Variants in DYNC2H1 observed in about 807,000 individuals in gnomAD.
DYNC2H1 encodes the protein dynein cytoplasmic 2 heavy chain 1.
Under a neutral mutation model 570.0 loss-of-function variants are expected in DYNC2H1, and 410 were observed. The observed-to-expected ratio is 0.72, with a 90% CI of 0.66 to 0.78. DYNC2H1 has a LOEUF of 0.78. Ranked by LOEUF, DYNC2H1 falls within the 30% of genes least tolerant of loss-of-function variation. The pLI is 0.00. For missense variants in DYNC2H1, 4,865 were observed against 5,046.4 expected (o/e 0.96, Z 1.09); for synonymous variants, 1,688 against 1,677.6 (o/e 1.01, Z -0.15).
At position 103,122,712 on chromosome 11, in the gene DYNC2H1, A is replaced by G. The variant is rs112244326; in HGVS notation, c.1486-113A>G. On this transcript the variant is annotated intron_variant, in intron 10 of 88. Transcript: ENST00000375735. ...GTGAATCTTCCGTTTCACTGTTTAT[A>G]GATGAAAGGTAAAATAATTTCTGAA... is the stretch of plus-strand genomic sequence containing the variant. 1.8e-3 allele frequency: 1,604 copies of G among 902,640 alleles called. 16 individuals carry two copies. In the African/African-American group the frequency reaches 0.024, roughly 14 times the overall value. The allele number at this position is 902,640 out of a possible 1,614,324, so 55.9% of individuals were successfully genotyped here.
intron 75 of DYNC2H1, among the ~76,000 whole-genome samples, chr11:103,296,398 C>T (rs1866826755): frequency 6.6e-6 from 1 of 152,172 alleles, no homozygotes; most frequent in East Asian, 1.9e-4. Flanking sequence ...GAACAATTAA[C>T]ATGTTCCCAA....
chr11:103,109,451 A>G lies in DYNC2H1; in HGVS notation c.-124A>G. 2.1e-6 allele frequency: 2 copies of G among 951,966 alleles called. No individual in the cohort carries two copies. Among genetic ancestry groups the G allele is most frequent in the South Asian group, 3.9e-5 (2 of 51,660 alleles). The allele number at this position is 951,966 out of a possible 1,614,324, so 59.0% of individuals were successfully genotyped here. On this transcript the variant is annotated 5_prime_UTR_variant, in exon 1 of 89. Transcript: ENST00000375735. ...ATAGCGACTACCCCTGGCAACCGCGAAGCTCTGCGGTCCCGCGGTCGGGCT... is the reference window on the plus strand; with the variant it reads ...ATAGCGACTACCCCTGGCAACCGCGGAGCTCTGCGGTCCCGCGGTCGGGCT...
chr11:103,317,794 T>C (rs2135430538), intron 80 of DYNC2H1, among the ~76,000 whole-genome samples: 1 of 152,304 alleles, frequency 6.6e-6, no homozygotes, highest in Middle Eastern at 3.4e-3. Flanking sequence ...GATTTCTTAC[T>C]GCTGAATCTG....
rs1332318318 is a variant in DYNC2H1 at position 103,181,796 on chromosome 11, G to T, written c.6387G>T (p.Trp2129Cys). ...ETDLNSLIKS[W>C]LRNQPAEYRN... is the part of the protein sequence containing the mutation. ...ATCTTAATTCTCTGATAAAATCTTG[G>T]TTGAGGAATCAGCCTGCTGAATATA... Residue 2129 changes from tryptophan to cysteine, a missense_variant, in exon 40 of 89, where the codon TGG (tryptophan) becomes TGT (cysteine). Physicochemically the swap from Trp to Cys is radical, Grantham distance 215 (BLOSUM62 -2). Coordinates refer to ENST00000375735, the MANE Select transcript of DYNC2H1 (RefSeq NM_001377.3). The surrounding 1 kb of genome is among the most constrained non-coding windows in gnomAD (Gnocchi z 5.0). 5.1e-6 allele frequency: 8 copies of T among 1,576,168 alleles called. No individual in the cohort carries two copies. Among genetic ancestry groups the T allele is most frequent in the Non-Finnish European group, 6.9e-6 (8 of 1,158,896 alleles).
At chr11:103,255,843 TA>T (rs1865035713) in intron 67 of DYNC2H1, among the ~76,000 whole-genome samples, 1 of 152,062 alleles carries the variant, frequency 6.6e-6, no homozygotes, top group Non-Finnish European at 1.5e-5. Flanking sequence ...AAGTAGTTTT[TA>T]TTTTTTATTA....
rs1022347920 is a variant in DYNC2H1, at chr11:103,157,666, C to T, written c.4127+896C>T. Reference sequence around the variant, plus strand: ...CTGTATCTCTTACTTGGACTACGCACATTAACCTTCTGACTTGCTCTTGTA... The same window carrying T: ...CTGTATCTCTTACTTGGACTACGCATATTAACCTTCTGACTTGCTCTTGTA... On this transcript the variant is annotated intron_variant, in intron 26 of 88. Coordinates refer to ENST00000375735, the MANE Select transcript of DYNC2H1 (RefSeq NM_001377.3). The surrounding 1 kb of genome is among the most constrained non-coding windows in gnomAD (Gnocchi z 4.2). 6.6e-6 allele frequency among the ~76,000 whole-genome samples: 1 copy of T among 152,248 alleles called. No individual in the cohort carries two copies. The highest frequency in any genetic ancestry group is 2.4e-5 in the African/African-American group (1 of 41,474).
intron 77 of DYNC2H1, 124 bp from the exon 78 acceptor site, chr11:103,307,597 G>T: frequency 1.9e-6 from 1 of 538,974 alleles, no homozygotes. Context: ...TATAACCAGA[G>T]CATTAAGAAA....
rs1169955276 is a variant in DYNC2H1 at position 103,168,824 on chromosome 11, A to C, written c.4832A>C (p.Lys1611Thr). The change falls in exon 32 of 89, where the codon AAG becomes ACG. Residue 1611 changes from lysine (K) to threonine (T), a missense_variant. Coordinates refer to ENST00000375735, the MANE Select transcript of DYNC2H1 (RefSeq NM_001377.3). ...LDIIHNIDVVKQLNQIQVHTT... is the reference protein window; with the variant it reads ...LDIIHNIDVVTQLNQIQVHTT... ...ATTATCCATAATATTGATGTGGTAAAGCAGTTAAACCAAATTCAGGTTCAT... is the reference window on the plus strand; with the variant it reads ...ATTATCCATAATATTGATGTGGTAACGCAGTTAAACCAAATTCAGGTTCAT... 6.2e-7 allele frequency: 1 copy of C among 1,613,380 alleles called. No homozygotes were observed. Among genetic ancestry groups the C allele is most frequent in the Non-Finnish European group, 8.5e-7 (1 of 1,179,558 alleles).
intron 75 of DYNC2H1, among the ~76,000 whole-genome samples, chr11:103,288,090 G>A (rs1051889273): frequency 3.4e-4 from 52 of 152,102 alleles, no homozygotes; most frequent in African/African-American, 1.1e-3. Context: ...CACAGAAATG[G>A]TTAGGTTTTA....
intron 87 of DYNC2H1, among the ~76,000 whole-genome samples, chr11:103,463,874 A>C (rs183252284): frequency 1.4e-3 from 215 of 152,336 alleles, no homozygotes; most frequent in African/African-American, 4.9e-3. Context: ...TTAGATGCTG[A>C]ATCTCACTAC....
rs1865069979 is a variant in DYNC2H1 at position 103,256,684 on chromosome 11, ATTAT to A, written c.10461+445_10461+448del. Among the ~76,000 whole-genome samples, 2 of 152,122 alleles carry A rather than the reference ATTAT, an allele frequency of 1.3e-5. No homozygotes were observed. Among genetic ancestry groups the A allele is most frequent in the South Asian group, 4.1e-4 (2 of 4,826 alleles). Reference sequence around the variant, plus strand: ...TATAATGAACAGTGCTGGGTACTTTATTATCCTAATGTGGACACCTGTTAGAGTC... The same window carrying A: ...TATAATGAACAGTGCTGGGTACTTTACCTAATGTGGACACCTGTTAGAGTC... On this transcript the variant is annotated intron_variant, in intron 68 of 88. Transcript: ENST00000375735. This position sits in a 1 kb window ranked among gnomAD's most constrained non-coding sequence, Gnocchi z 4.0.
In DYNC2H1 at chr11:103,109,479, G is replaced by C. The variant is rs548118181; in HGVS notation, c.-96G>C. 18 of 1,239,820 alleles carry C rather than the reference G, an allele frequency of 1.5e-5. No individual in the cohort carries two copies. Among genetic ancestry groups the C allele is most frequent in the Non-Finnish European group, 1.8e-5 (16 of 898,132 alleles). The allele number at this position is 1,239,820 out of a possible 1,614,324, so 76.8% of individuals were successfully genotyped here. On this transcript the variant is annotated 5_prime_UTR_variant, in exon 1 of 89. Coordinates refer to ENST00000375735, the MANE Select transcript of DYNC2H1 (RefSeq NM_001377.3). ...CTCTGCGGTCCCGCGGTCGGGCTAC[G>C]GGTTTGAGCAAAGCTCCTCTCTTCC... is the stretch of plus-strand genomic sequence containing the variant.
At chr11:103,179,631 T>C (rs948371471) in intron 39 of DYNC2H1, among the ~76,000 whole-genome samples, 1 of 151,726 alleles carries the variant, frequency 6.6e-6, no homozygotes, top group African/African-American at 2.4e-5. Context: ...TAATTAAATC[T>C]ATTTAATTTT....
At chr11:103,173,397 C>T (rs1033187115) in intron 35 of DYNC2H1, 92 bp downstream of exon 35, 22 of 876,426 alleles carry the variant, frequency 2.5e-5, no homozygotes, top group South Asian at 9.6e-5. Context: ...TCTCAATTCA[C>T]CTATTGCATG....
chr11:103,314,718 G>T (rs1202432441), intron 79 of DYNC2H1, among the ~76,000 whole-genome samples: 1 of 151,526 alleles, frequency 6.6e-6, no homozygotes, highest in African/African-American at 2.4e-5. Context: ...TAACACTGGA[G>T]GTAAATGTAG....
At chr11:103,377,451 AAG>A (rs1441466758) in intron 83 of DYNC2H1, among the ~76,000 whole-genome samples, 1 of 152,084 alleles carries the variant, frequency 6.6e-6, no homozygotes, top group Non-Finnish European at 1.5e-5. Flanking sequence ...AACATCATAT[AAG>A]AGAGATTAGA....
chr11:103,379,081 T>C (rs148077947), intron 83 of DYNC2H1, among the ~76,000 whole-genome samples: 2 of 152,310 alleles, frequency 1.3e-5, no homozygotes, highest in African/African-American at 2.4e-5. Context: ...GGCTAGTTGT[T>C]GATATTGCTC....
chr11:103,317,379 T>C (rs1031503148), intron 80 of DYNC2H1, among the ~76,000 whole-genome samples: 3 of 151,864 alleles, frequency 2.0e-5, no homozygotes, highest in African/African-American at 7.2e-5. Flanking sequence ...TTTTTTTTTT[T>C]CTCATCCTCA....
chr11:103,191,664 A>C, intron 46 of DYNC2H1, 45 bp downstream of exon 46: 1 of 1,009,934 alleles, frequency 9.9e-7, no homozygotes, highest in Non-Finnish European at 1.4e-6. Context: ...GTGTGTGTGC[A>C]CATTTATTCT....
Sources: allele counts gnomAD v4.1 joint callset (sites outside exome capture counted in the v4.1 genomes callset), GRCh38; gene constraint gnomAD v4.1.1; non-coding constraint Gnocchi (gnomAD v3.1); transcripts MANE v1.5; gene names NCBI Gene and HGNC (gene_info 2026-07-23, HGNC 2026-07-21).